SEMA3C: variants seen among roughly 807,000 people sequenced by gnomAD.
SEMA3C encodes semaphorin 3C, also known as semaphorin-3C.
A neutral mutation model predicts 89.4 loss-of-function variants in SEMA3C; 47 were observed. The observed-to-expected ratio is 0.53, with a 90% CI of 0.42 to 0.67. SEMA3C has a LOEUF of 0.67. Among genes scored for constraint, SEMA3C ranks in the 30% least tolerant of loss-of-function variants. SEMA3C has a pLI of 0.00. For missense variants in SEMA3C, 839 were observed against 929.1 expected (o/e 0.90, Z 1.26); for synonymous variants, 310 against 320.2 (o/e 0.97, Z 0.34).
chr7:80,801,049 C>T (rs1462495070), intron 9 of SEMA3C, among the ~76,000 whole-genome samples: 2 of 151,758 alleles, frequency 1.3e-5, no homozygotes, highest in African/African-American at 4.8e-5. Flanking sequence ...CTTGTGAAAA[C>T]CATGCTAGTA....
chr7:80,754,957 G>GTTTTTTTTTTGTGTTTTTTT (rs1449995090), intron 15 of SEMA3C, among the ~76,000 whole-genome samples: 1 of 108,368 alleles, frequency 9.2e-6, no homozygotes, highest in Non-Finnish European at 1.9e-5. Context: ...GTTTTTTTTT[G>GTTTTTTTTTTGTGTTTTTTT]TTTTTTTTTT....
chr7:80,884,079 T>G (rs1791416285), intron 2 of SEMA3C, among the ~76,000 whole-genome samples: 1 of 152,220 alleles, frequency 6.6e-6, no homozygotes, highest in Non-Finnish European at 1.5e-5. Context: ...GCATTAGTTT[T>G]GAATTTTAAT....
chr7:80,760,607 T>C (rs1418750743), intron 14 of SEMA3C, among the ~76,000 whole-genome samples: 1 of 152,224 alleles, frequency 6.6e-6, no homozygotes, highest in African/African-American at 2.4e-5. Context: ...CCACTTCATC[T>C]GTAACAAACC....
Position 80,805,777 on chromosome 7 carries a change from C to G in SEMA3C, c.539-19G>C, listed in dbSNP as rs1789325410. ...TCCTCATCTATGAAAAAGAAAATAT[C>G]AATGAAATGTAAATTTTTAAAGCTA... is the stretch of plus-strand genomic sequence containing the variant. On this transcript the variant is annotated intron_variant, in intron 6 of 17. Transcript: ENST00000265361. The G allele has an allele frequency of 5.1e-6, 8 of 1,554,614 alleles. 1 individual carries two copies. The South Asian group carries it at 9.3e-5, about 18-fold the overall frequency.
At chr7:80,889,549 G>A (rs1242253787) in intron 2 of SEMA3C, among the ~76,000 whole-genome samples, 1 of 151,854 alleles carries the variant, frequency 6.6e-6, no homozygotes, top group Non-Finnish European at 1.5e-5. Flanking sequence ...AAAATATATT[G>A]TCCTCAAAGA....
intron 12 of SEMA3C, among the ~76,000 whole-genome samples, chr7:80,771,346 C>T (rs1788427626): frequency 1.3e-5 from 2 of 152,318 alleles, no homozygotes; most frequent in South Asian, 4.1e-4. Context: ...TCTGCAAAGT[C>T]ATTTGCATAA....
intron 4 of SEMA3C, among the ~76,000 whole-genome samples, chr7:80,826,856 C>A (rs907566641): frequency 1.3e-5 from 2 of 152,110 alleles, no homozygotes; most frequent in Non-Finnish European, 2.9e-5. Flanking sequence ...ATATAGATTT[C>A]TTCCTTGATT....
chr7:80,895,994 A>C (rs537245534), intron 2 of SEMA3C, among the ~76,000 whole-genome samples: 35 of 151,568 alleles, frequency 2.3e-4, no homozygotes, highest in African/African-American at 7.3e-4. Context: ...TTGTGAAATA[A>C]AAAGAAAATA....
chr7:80,843,491 C>T (rs1261908909), intron 2 of SEMA3C, among the ~76,000 whole-genome samples: 2 of 152,028 alleles, frequency 1.3e-5, no homozygotes, highest in African/African-American at 4.8e-5. Flanking sequence ...AGGCAACTTA[C>T]TTAAATTATT....
intron 2 of SEMA3C, among the ~76,000 whole-genome samples, chr7:80,851,274 T>C (rs1158349865): frequency 6.6e-6 from 1 of 151,900 alleles, no homozygotes; most frequent in Non-Finnish European, 1.5e-5. Context: ...TTGGAGGCCA[T>C]GGTGGGTAGA....
intron 2 of SEMA3C, among the ~76,000 whole-genome samples, chr7:80,915,255 C>T (rs1365546453): frequency 6.6e-6 from 1 of 152,154 alleles, no homozygotes; most frequent in Non-Finnish European, 1.5e-5. Context: ...CTCAAAGGGT[C>T]TGTTTTTCCA....
intron 15 of SEMA3C, among the ~76,000 whole-genome samples, chr7:80,752,271 C>T (rs982997521): frequency 7.2e-5 from 11 of 152,114 alleles, no homozygotes; most frequent in Non-Finnish European, 2.9e-5. Context: ...AAGTTTCATC[C>T]TTTGCATTTA....
chr7:80,803,672 G>A (rs974903525), intron 8 of SEMA3C, among the ~76,000 whole-genome samples: 1 of 151,866 alleles, frequency 6.6e-6, no homozygotes, highest in Non-Finnish European at 1.5e-5. Flanking sequence ...ATTTATAAAT[G>A]GTTCCTTAAT....
chr7:80,821,057 A>G (rs1008433167), intron 4 of SEMA3C, among the ~76,000 whole-genome samples: 3 of 152,208 alleles, frequency 2.0e-5, no homozygotes, highest in Non-Finnish European at 2.9e-5. Flanking sequence ...TCATGTATAT[A>G]TCTATCTGCT....
intron 2 of SEMA3C, among the ~76,000 whole-genome samples, chr7:80,874,836 C>T (rs559428194): frequency 1.1e-4 from 17 of 152,100 alleles, no homozygotes; most frequent in Non-Finnish European, 2.1e-4. Flanking sequence ...AAAAATAGCA[C>T]TTTAGAGGCT....
At chr7:80,766,509 G>A (rs1788307213) in intron 12 of SEMA3C, among the ~76,000 whole-genome samples, 1 of 152,036 alleles carries the variant, frequency 6.6e-6, no homozygotes, top group Non-Finnish European at 1.5e-5. Context: ...CCAAATAGAG[G>A]GTATTTAAAC....
At chr7:80,757,844 G>A (rs991979778) in intron 15 of SEMA3C, among the ~76,000 whole-genome samples, 16 of 152,168 alleles carry the variant, frequency 1.1e-4, no homozygotes, top group African/African-American at 3.9e-4. Flanking sequence ...GTGGGCACCT[G>A]TAATCCCAGC....
chr7:80,787,390 TAAAAAA>T lies in SEMA3C; in HGVS notation c.1354+1910_1354+1915del, dbSNP rs1179102219. 2.8e-3 allele frequency among the ~76,000 whole-genome samples: 283 copies of T among 99,888 alleles called. 1 individual carries two copies. The highest frequency in any genetic ancestry group is 0.011 in the African/African-American group (268 of 25,390). 65.5% of individuals were successfully genotyped at this position (99,888 alleles called of 152,430 possible). On this transcript the variant is annotated intron_variant, in intron 12 of 17. Coordinates refer to ENST00000265361, the MANE Select transcript of SEMA3C (RefSeq NM_006379.5). ...CTGGGTGATAGAGCAAGACTCCGTT[TAAAAAA>T]AAAAAAAAAAAAAAAAAAAGGTGGG...
chr7:80,756,224 T>A (rs975335533), intron 15 of SEMA3C, among the ~76,000 whole-genome samples: 1 of 152,218 alleles, frequency 6.6e-6, no homozygotes, highest in African/African-American at 2.4e-5. Context: ...AATCCTAATG[T>A]TCAGTTCTGA....
Sources: allele counts gnomAD v4.1 joint callset (sites outside exome capture counted in the v4.1 genomes callset), GRCh38; gene constraint gnomAD v4.1.1; transcripts MANE v1.5; gene names NCBI Gene and HGNC (gene_info 2026-07-23, HGNC 2026-07-21).